Variants in ACOXL observed in about 807,000 individuals in gnomAD.
The protein encoded by ACOXL is acyl-CoA oxidase like, also known as acyl-coenzyme A oxidase-like protein.
In ACOXL, 70 loss-of-function variants were observed where a neutral mutation model predicts 71.9. The ratio of observed to expected loss-of-function variants is 0.97; its 90% confidence interval spans 0.80 to 1.19. The LOEUF (loss-of-function observed/expected upper bound fraction) is 1.19, where lower values mean the gene tolerates loss of function less well. Ranked by LOEUF, ACOXL falls within the 50% of genes most tolerant of loss-of-function variation. The pLI, the probability that ACOXL is intolerant of heterozygous loss-of-function variation, is 0.00. For synonymous variants in ACOXL, 253 were observed against 281.6 expected (o/e 0.90, Z 1.02); for missense variants, 703 against 736.3 (o/e 0.95, Z 0.52).
At chr2:110,887,420 C>G (rs962035704) in intron 10 of ACOXL, 1 of 152,308 alleles carries the variant, frequency 6.6e-6, no homozygotes, top group Non-Finnish European at 1.5e-5. Flanking sequence ...AGAGGCCATT[C>G]CTAGCATTTC....
chr2:110,942,969 A>G (rs1285709266), intron 12 of ACOXL, among the ~76,000 whole-genome samples: 1 of 149,150 alleles, frequency 6.7e-6, no homozygotes, highest in African/African-American at 2.5e-5. Context: ...GAAAAGAAAA[A>G]AAAAGAAGAG....
chr2:110,748,698 TAGG>T (rs1022147472), intron 1 of ACOXL, among the ~76,000 whole-genome samples: 3 of 152,074 alleles, frequency 2.0e-5, no homozygotes, highest in Admixed American at 1.3e-4. Flanking sequence ...GCTTTGGCGG[TAGG>T]AGGTTGAGCT....
At chr2:110,788,973 A>T (rs967160323) in intron 3 of ACOXL, among the ~76,000 whole-genome samples, 15 of 152,234 alleles carry the variant, frequency 9.9e-5, no homozygotes, top group African/African-American at 3.4e-4. Context: ...TGTCAACCTG[A>T]GGAAGGGACG....
chr2:111,050,952 C>T (rs528995383), intron 16 of ACOXL, among the ~76,000 whole-genome samples: 1 of 152,296 alleles, frequency 6.6e-6, no homozygotes, highest in East Asian at 1.9e-4. Context: ...TAGAAACTAA[C>T]AGATTGGGGT....
intron 2 of ACOXL, among the ~76,000 whole-genome samples, chr2:110,772,283 C>T (rs1682044740): frequency 6.6e-6 from 1 of 152,142 alleles, no homozygotes; most frequent in Admixed American, 6.5e-5. Context: ...TAGAAGCAGC[C>T]AGACAACTTT....
At chr2:111,113,416 T>G (rs2150086687) in intron 17 of ACOXL, among the ~76,000 whole-genome samples, 1 of 152,334 alleles carries the variant, frequency 6.6e-6, no homozygotes, top group African/African-American at 2.4e-5. Context: ...ACCGAAGACC[T>G]TGGTTACATA....
chr2:110,836,322 C>G (rs1274133941), intron 9 of ACOXL, among the ~76,000 whole-genome samples: 1 of 152,218 alleles, frequency 6.6e-6, no homozygotes, highest in Admixed American at 6.5e-5. Context: ...TCCTCATGTC[C>G]TTGCTGCCAG....
At chr2:110,737,272 A>T (rs1676981538) in intron 1 of ACOXL, among the ~76,000 whole-genome samples, 2 of 151,770 alleles carry the variant, frequency 1.3e-5, no homozygotes, top group East Asian at 3.9e-4. Context: ...CAATTCTCTT[A>T]CTTCATTCTC....
Position 111,052,205 on chromosome 2 carries a change from C to T in ACOXL, c.1440+2917C>T, listed in dbSNP as rs570486970. Among the ~76,000 whole-genome samples, 22 of 152,250 alleles carry T rather than the reference C, an allele frequency of 1.4e-4. No homozygotes were observed. The East Asian group carries it at 1.7e-3, about 12-fold the overall frequency. ...AGCCACCATTGCATAGCTAGTCAGC[C>T]GGCAATAGAACTAGGACCAGAAAGC... On this transcript the variant is annotated intron_variant, in intron 16 of 17. Coordinates refer to ENST00000439055, the MANE Select transcript of ACOXL (RefSeq NM_001142807.4).
rs139595227 is a variant in ACOXL at position 110,965,380 on chromosome 2, T to C, written c.1060-21728T>C. On this transcript the variant is annotated intron_variant, in intron 12 of 17. Transcript: ENST00000439055. ...CTGGATCGTAGGGTAGTTCTATTTT[T>C]AGTTTCTGTTTGTTTGTTTGTTTTT... Among the ~76,000 whole-genome samples the C allele has an allele frequency of 9.6e-3, 1,462 of 152,336 alleles. 18 individuals carry two copies. The highest frequency in any genetic ancestry group is 0.034 in the African/African-American group (1,398 of 41,574).
At chr2:110,749,208 G>GT (rs1678613106) in intron 1 of ACOXL, among the ~76,000 whole-genome samples, 1 of 152,162 alleles carries the variant, frequency 6.6e-6, no homozygotes, top group African/African-American at 2.4e-5. Flanking sequence ...CACAAAGACT[G>GT]TTTTTAAAAA....
intron 14 of ACOXL, among the ~76,000 whole-genome samples, chr2:111,025,076 C>T (rs893649): frequency 0.4 from 60,296 of 151,732 alleles, 12,388 homozygotes; most frequent in African/African-American, 0.48. Context: ...AATCCCTTCC[C>T]CATCCCCAAC....
intron 9 of ACOXL, among the ~76,000 whole-genome samples, chr2:110,823,167 C>G (rs1273745622): frequency 6.6e-6 from 1 of 151,584 alleles, no homozygotes; most frequent in Non-Finnish European, 1.5e-5. Context: ...GCAGGAGAAT[C>G]ACTTGAACCT....
At chr2:110,906,328 A>G (rs979856773) in intron 10 of ACOXL, among the ~76,000 whole-genome samples, 2 of 151,984 alleles carry the variant, frequency 1.3e-5, no homozygotes, top group Non-Finnish European at 2.9e-5. Context: ...ACCTGAGTTC[A>G]GGAATTCAAG....
chr2:110,775,967 A>G (rs141991779), intron 2 of ACOXL, among the ~76,000 whole-genome samples: 2 of 152,384 alleles, frequency 1.3e-5, no homozygotes, highest in Non-Finnish European at 2.9e-5. Flanking sequence ...GTCCATGTTA[A>G]CAGTGGCATT....
At chr2:111,051,172 G>A (rs570070509) in intron 16 of ACOXL, among the ~76,000 whole-genome samples, 12 of 152,272 alleles carry the variant, frequency 7.9e-5, no homozygotes, top group South Asian at 2.1e-4. Context: ...AACGTGTGCC[G>A]AGTTCATATA....
chr2:110,790,800 G>A (rs1684555561), intron 3 of ACOXL, among the ~76,000 whole-genome samples: 1 of 151,898 alleles, frequency 6.6e-6, no homozygotes, highest in African/African-American at 2.4e-5. Context: ...GTTTTAAGGA[G>A]TCCATACCCT....
At chr2:110,907,417 G>A (rs866039832) in intron 10 of ACOXL, among the ~76,000 whole-genome samples, 9 of 152,162 alleles carry the variant, frequency 5.9e-5, no homozygotes, top group Non-Finnish European at 1.0e-4. Context: ...ACATCATGAT[G>A]ACACCACTAC....
At chr2:110,892,559 G>T (rs1698044331) in intron 10 of ACOXL, among the ~76,000 whole-genome samples, 1 of 152,150 alleles carries the variant, frequency 6.6e-6, no homozygotes, top group African/African-American at 2.4e-5. Context: ...GCTCGGAGGG[G>T]TGGTTATTAT....
Sources: gnomAD v4.1 joint callset for allele counts (sites outside exome capture counted in the v4.1 genomes callset) on GRCh38, gnomAD v4.1.1 for gene constraint, MANE v1.5 for transcripts, NCBI Gene and HGNC (gene_info 2026-07-23, HGNC 2026-07-21) for gene names.